PPFIBP1: variants seen among roughly 807,000 people sequenced by gnomAD.
PPFIBP1 encodes PPFIB scaffold protein 1.
Under a neutral mutation model 137.8 loss-of-function variants are expected in PPFIBP1, and 112 were observed. The observed-to-expected ratio is 0.81, with a 90% CI of 0.70 to 0.95. The LOEUF is 0.95. PPFIBP1 is among the 40% of genes least tolerant of loss of function. The pLI is 0.00. For synonymous variants in PPFIBP1, 378 were observed against 417.3 expected (o/e 0.91, Z 1.15); for missense variants, 1,083 against 1,196.6 (o/e 0.91, Z 1.40).
At chr12:27,606,079 G>A (rs1346019765) in intron 2 of PPFIBP1, among the ~76,000 whole-genome samples, 1 of 152,094 alleles carries the variant, frequency 6.6e-6, no homozygotes, top group Non-Finnish European at 1.5e-5. Context: ...AATAAGAAAG[G>A]ATTAATAATT....
In PPFIBP1 at chr12:27,694,360, T is replaced by G. The variant is rs2061686156; in HGVS notation, c.*1478T>G. 1 of 152,120 alleles carries G rather than the reference T, an allele frequency of 6.6e-6. No individual in the cohort carries two copies. Among genetic ancestry groups the G allele is most frequent in the Non-Finnish European group, 1.5e-5 (1 of 68,040 alleles). 9.4% of individuals were successfully genotyped at this position (152,120 alleles called of 1,614,324 possible). ...CAGAATCACCTCCTCTCCCCAAAAT[T>G]TGTAGAAATAGTTTTTGAGGAAGCC... On this transcript the variant is annotated 3_prime_UTR_variant, in exon 30 of 30. Coordinates refer to ENST00000228425, the MANE Select transcript of PPFIBP1 (RefSeq NM_003622.4).
chr12:27,625,580 G>GTTTT (rs35985658), intron 2 of PPFIBP1, among the ~76,000 whole-genome samples: 1 of 136,192 alleles, frequency 7.3e-6, no homozygotes, highest in Admixed American at 7.6e-5. Flanking sequence ...GTTTTTTACA[G>GTTTT]TTTTTTTTTT....
intron 1 of PPFIBP1, among the ~76,000 whole-genome samples, chr12:27,573,663 A>T (rs1253067547): frequency 6.6e-6 from 1 of 152,196 alleles, no homozygotes; most frequent in East Asian, 1.9e-4. Flanking sequence ...ATTGAAAACC[A>T]GTTGGAGACT....
intron 13 of PPFIBP1, among the ~76,000 whole-genome samples, chr12:27,669,195 A>G (rs1041488585): frequency 6.6e-6 from 1 of 152,224 alleles, no homozygotes; most frequent in Admixed American, 6.5e-5. Flanking sequence ...TGCAATGAAA[A>G]TGAATTCAAG....
At chr12:27,610,081 G>A (rs1302491508) in intron 2 of PPFIBP1, among the ~76,000 whole-genome samples, 2 of 152,128 alleles carry the variant, frequency 1.3e-5, no homozygotes, top group Admixed American at 1.3e-4. Context: ...CCAGGGTGAG[G>A]TACTCTGTGA....
chr12:27,619,684 T>C (rs2056140207), intron 2 of PPFIBP1, among the ~76,000 whole-genome samples: 1 of 152,188 alleles, frequency 6.6e-6, no homozygotes, highest in Non-Finnish European at 1.5e-5. Context: ...CTATATCCAG[T>C]TCTGTTGGCA....
At chr12:27,685,720 A>C (rs2140452873) in intron 24 of PPFIBP1, among the ~76,000 whole-genome samples, 1 of 152,286 alleles carries the variant, frequency 6.6e-6, no homozygotes, top group East Asian at 1.9e-4. Context: ...AATGTGAATA[A>C]AGTCTGCAAT....
At chr12:27,650,425 A>C (rs2058809985) in intron 7 of PPFIBP1, among the ~76,000 whole-genome samples, 1 of 152,198 alleles carries the variant, frequency 6.6e-6, no homozygotes, top group African/African-American at 2.4e-5. Context: ...CGATATTTGG[A>C]GCATCCGTCC....
chr12:27,633,212 A>G, intron 2 of PPFIBP1, 150 bp from the exon 3 acceptor site: 1 of 607,532 alleles, frequency 1.6e-6, no homozygotes, highest in Non-Finnish European at 2.9e-6. Flanking sequence ...GTGCTACAGT[A>G]GGTGATTGGC....
rs1036810922 is a variant in PPFIBP1, at chr12:27,529,818, C to T, written c.-124+5453C>T. On this transcript the variant is annotated intron_variant, in intron 1 of 29. Transcript: ENST00000228425. ...GTTTTGGGGAAGAACTAGGTAGGCC[C>T]ATTGGGAAGAGTGTGGACTCTTTTA... is the stretch of plus-strand genomic sequence containing the variant. Among the ~76,000 whole-genome samples, 13 of 152,210 alleles carry T rather than the reference C, an allele frequency of 8.5e-5. No homozygotes were observed. The East Asian group carries it at 2.5e-3, about 29-fold the overall frequency.
rs758722288 is a variant in PPFIBP1, at chr12:27,676,533, T to C, written c.1516T>C (p.Ser506Pro). 6.2e-7 allele frequency: 1 copy of C among 1,609,548 alleles called. No individual in the cohort carries two copies. Among genetic ancestry groups the C allele is most frequent in the Non-Finnish European group, 8.5e-7 (1 of 1,177,366 alleles). The change falls in exon 18 of 30, where the codon TCT (serine) becomes CCT (proline). Residue 506 changes from serine to proline, a missense_variant. Ser to Pro is a moderately conservative substitution (Grantham distance 74). Coordinates refer to ENST00000228425, the MANE Select transcript of PPFIBP1 (RefSeq NM_003622.4). ...CCCCTTCGGCACTCGAAAAGTCAGATCTTCCTTTGGCCGGGGCTTTTTTAA... is the reference window on the plus strand; with the variant it reads ...CCCCTTCGGCACTCGAAAAGTCAGACCTTCCTTTGGCCGGGGCTTTTTTAA... ...DNPFGTRKVR[S>P]SFGRGFFKIK...
chr12:27,638,728 C>A (rs1220212127), intron 4 of PPFIBP1, among the ~76,000 whole-genome samples: 1 of 152,132 alleles, frequency 6.6e-6, no homozygotes, highest in Non-Finnish European at 1.5e-5. Flanking sequence ...TACAAACCAC[C>A]CATACATAGT....
At chr12:27,615,743 A>G (rs2138334577) in intron 2 of PPFIBP1, among the ~76,000 whole-genome samples, 1 of 152,312 alleles carries the variant, frequency 6.6e-6, no homozygotes, top group Non-Finnish European at 1.5e-5. Context: ...ATCATTTTCC[A>G]CAAAAGAGGC....
At chr12:27,640,798 A>G (rs2058063904) in intron 4 of PPFIBP1, among the ~76,000 whole-genome samples, 1 of 152,210 alleles carries the variant, frequency 6.6e-6, no homozygotes, top group Admixed American at 6.5e-5. Context: ...TTCATGGCTG[A>G]AAGATTCAAG....
At chr12:27,582,107 G>A (rs930891540) in intron 2 of PPFIBP1, among the ~76,000 whole-genome samples, 55 of 152,022 alleles carry the variant, frequency 3.6e-4, no homozygotes, top group Non-Finnish European at 7.5e-4. Context: ...GAAATTGGCA[G>A]CCAATGACTT....
chr12:27,611,803 TC>T (rs759173868), intron 2 of PPFIBP1, among the ~76,000 whole-genome samples: 20,316 of 152,040 alleles, frequency 0.13, 1,427 homozygotes, highest in African/African-American at 0.15. Flanking sequence ...TCTCTCTCTC[TC>T]TCTCTCTCTC....
chr12:27,624,120 G>A (rs1166904453), intron 2 of PPFIBP1, among the ~76,000 whole-genome samples: 1 of 152,120 alleles, frequency 6.6e-6, no homozygotes, highest in Non-Finnish European at 1.5e-5. Context: ...TCATGGCACA[G>A]AGGTGAGAGG....
At chr12:27,645,930 T>C in intron 4 of PPFIBP1, 132 bp from the exon 5 acceptor site, 2 of 656,994 alleles carry the variant, frequency 3.0e-6, no homozygotes, top group Non-Finnish European at 5.3e-6. Context: ...TTCTCGTATT[T>C]TCTGTTTGAC....
At chr12:27,642,883 G>A (rs1044891521) in intron 4 of PPFIBP1, among the ~76,000 whole-genome samples, 3 of 152,046 alleles carry the variant, frequency 2.0e-5, no homozygotes, top group African/African-American at 7.2e-5. Flanking sequence ...TTTCAGGAAG[G>A]AGTTAAGAAT....
Sources: allele counts gnomAD v4.1 joint callset (sites outside exome capture counted in the v4.1 genomes callset), GRCh38; gene constraint gnomAD v4.1.1; transcripts MANE v1.5; gene names NCBI Gene and HGNC (gene_info 2026-07-23, HGNC 2026-07-21).